The following ETS1 variants were observed in gnomAD, a reference collection of about 807,000 sequenced individuals.
The protein encoded by ETS1 is protein C-ets-1.
A neutral mutation model predicts 58.6 loss-of-function variants in ETS1; 15 were observed. The ratio of observed to expected loss-of-function variants is 0.26; its 90% CI spans 0.17 to 0.39. ETS1 has a LOEUF of 0.39. Ranked by LOEUF, ETS1 falls within the 10% of genes least tolerant of loss-of-function variation. The pLI, the probability that ETS1 is intolerant of heterozygous loss-of-function variation, is 1.00. For missense variants in ETS1, 417 were observed against 610.5 expected (o/e 0.68, Z 3.34); for synonymous variants, 214 against 218.2 (o/e 0.98, Z 0.17).
At chr11:128,462,660 A>G in intron 9 of ETS1, 84 bp from the exon 10 acceptor site, 1 of 967,266 alleles carries the variant, frequency 1.0e-6, no homozygotes, top group Non-Finnish European at 1.6e-6. Flanking sequence ...TGCCTATGCT[A>G]TACCCATTCA....
chr11:128,484,762 A>G, intron 7 of ETS1, 61 bp downstream of exon 7: 1 of 1,519,806 alleles, frequency 6.6e-7, no homozygotes. Flanking sequence ...CCTGAAAAAA[A>G]CTCACAAAGT....
intron 8 of ETS1, among the ~76,000 whole-genome samples, chr11:128,474,654 G>C (rs1341611469): frequency 6.6e-6 from 1 of 152,010 alleles, no homozygotes; most frequent in Non-Finnish European, 1.5e-5. Context: ...GAGATCCCCA[G>C]GTCCACGCCA....
At chr11:128,491,499 T>C (rs956999390) in intron 3 of ETS1, among the ~76,000 whole-genome samples, 2 of 152,214 alleles carry the variant, frequency 1.3e-5, no homozygotes, top group African/African-American at 2.4e-5. Context: ...TTGACCTGAA[T>C]TGTGAAGGAT....
At chr11:128,570,615 G>A (rs991545842) in intron 2 of ETS1, among the ~76,000 whole-genome samples, 4 of 152,084 alleles carry the variant, frequency 2.6e-5, no homozygotes, top group Non-Finnish European at 4.4e-5. Flanking sequence ...GAATTAACAT[G>A]GACTGGCTTT....
chr11:128,514,579 G>A (rs1424015794), intron 3 of ETS1, among the ~76,000 whole-genome samples: 3 of 152,154 alleles, frequency 2.0e-5, no homozygotes, highest in Non-Finnish European at 4.4e-5. Context: ...TAACACTGTT[G>A]CAAGAGAGAG....
intron 2 of ETS1, among the ~76,000 whole-genome samples, chr11:128,560,404 C>T (rs1268394599): frequency 6.6e-5 from 10 of 152,236 alleles, no homozygotes; most frequent in East Asian, 5.8e-4. Context: ...TGAGCCACCG[C>T]GCCCGGCCGA....
At chr11:128,537,058 G>C (rs1591649226) in intron 3 of ETS1, among the ~76,000 whole-genome samples, 1 of 152,154 alleles carries the variant, frequency 6.6e-6, no homozygotes, top group East Asian at 1.9e-4. Flanking sequence ...ATCTGTCCAG[G>C]GTACAGAGAC....
chr11:128,487,372 C>A (rs10790958), intron 5 of ETS1, among the ~76,000 whole-genome samples: 49 of 152,178 alleles, frequency 3.2e-4, no homozygotes, highest in African/African-American at 1.0e-3. Flanking sequence ...CCAGTCTTAG[C>A]GGCCAGAAGG....
intron 3 of ETS1, among the ~76,000 whole-genome samples, chr11:128,515,986 G>A (rs1056319563): frequency 1.3e-4 from 20 of 152,160 alleles, no homozygotes; most frequent in Non-Finnish European, 1.9e-4. Context: ...AAATATTTAC[G>A]GCTTGAATAG....
chr11:128,545,093 C>A (rs1018134767), intron 3 of ETS1, among the ~76,000 whole-genome samples: 4 of 152,120 alleles, frequency 2.6e-5, no homozygotes, highest in African/African-American at 7.2e-5. Flanking sequence ...CCTCTAGACC[C>A]TAACTGAATG....
At chr11:128,471,566 A>G (rs1158176102) in intron 8 of ETS1, among the ~76,000 whole-genome samples, 1 of 152,234 alleles carries the variant, frequency 6.6e-6, no homozygotes, top group Non-Finnish European at 1.5e-5. Flanking sequence ...TGAGCCAGTG[A>G]AGCTCAAGTC....
intron 3 of ETS1, among the ~76,000 whole-genome samples, chr11:128,552,271 T>A (rs528191468): frequency 6.6e-6 from 1 of 152,186 alleles, no homozygotes; most frequent in Admixed American, 6.5e-5. Flanking sequence ...TAAATAGATG[T>A]CCTTTCTCAT....
chr11:128,539,376 A>G (rs1864020858), intron 3 of ETS1, among the ~76,000 whole-genome samples: 1 of 152,252 alleles, frequency 6.6e-6, no homozygotes, highest in Admixed American at 6.5e-5. Flanking sequence ...CAATTTAAAA[A>G]CGGGCCAAGG....
rs895627470 is a variant in ETS1 at position 128,549,560 on chromosome 11, C to G, written c.214+6731G>C. On this transcript the variant is annotated intron_variant, in intron 3 of 9. Transcript: ENST00000392668. The surrounding 1 kb of genome is among the most constrained non-coding windows in gnomAD (Gnocchi z 4.3). ...CTCCGCAGCCCCCTGGGAGTCCCAG[C>G]GCAATGCTGTTACTTCCTAGGATGT... is the stretch of plus-strand genomic sequence containing the variant. Among the ~76,000 whole-genome samples, 1 of 152,172 alleles carries G rather than the reference C, an allele frequency of 6.6e-6. No homozygotes were observed. Among genetic ancestry groups the G allele is most frequent in the African/African-American group, 2.4e-5 (1 of 41,444 alleles).
chr11:128,552,436 C>T lies in ETS1; in HGVS notation c.214+3855G>A, dbSNP rs77369111. 2.4e-3 allele frequency among the ~76,000 whole-genome samples: 364 copies of T among 152,320 alleles called. 2 individuals carry two copies. The highest frequency in any genetic ancestry group is 8.1e-3 in the African/African-American group (335 of 41,568). On this transcript the variant is annotated intron_variant, in intron 3 of 9. Coordinates refer to ENST00000392668, the MANE Select transcript of ETS1 (RefSeq NM_001143820.2). The stretch of plus-strand genomic sequence containing the variant: ...GACCATGGTAATAAGACTATAGGTT[C>T]CTCCTCATGAAGGTAAGTTGTGTTT...
rs1415786480 is a variant in ETS1, at chr11:128,459,190, A to AAT, written c.*3169_*3170dup. The AAT allele has an allele frequency of 2.0e-5, 3 of 150,134 alleles. No homozygotes were observed. Among genetic ancestry groups the AAT allele is most frequent in the Middle Eastern group, 3.5e-3 (1 of 284 alleles). The allele number at this position is 150,134 out of a possible 1,614,324, so 9.3% of individuals were successfully genotyped here. ...GCAGTATTCCTGATAATTTTATTTTAATATATATATTTTATATATGTATAT... is the reference window on the plus strand; with the variant it reads ...GCAGTATTCCTGATAATTTTATTTTAATATATATATATTTTATATATGTATAT... On this transcript the variant is annotated 3_prime_UTR_variant, in exon 10 of 10. Transcript: ENST00000392668.
At position 128,462,293 on chromosome 11, in the gene ETS1, T is replaced by G; in HGVS notation, c.*68A>C. ...AAAAAATAGAATAACAATTCAAAAT[T>G]CAGAGTCCAACCAACACGGCTGTCC... On this transcript the variant is annotated 3_prime_UTR_variant, in exon 10 of 10. Transcript: ENST00000392668. 1 of 1,245,600 alleles carries G rather than the reference T, an allele frequency of 8.0e-7. No individual in the cohort carries two copies. Among genetic ancestry groups the G allele is most frequent in the Non-Finnish European group, 1.2e-6 (1 of 868,132 alleles). 77.2% of individuals were successfully genotyped at this position (1,245,600 alleles called of 1,614,324 possible).
chr11:128,510,147 C>G (rs1863353477), intron 3 of ETS1, among the ~76,000 whole-genome samples: 1 of 152,174 alleles, frequency 6.6e-6, no homozygotes, highest in Admixed American at 6.5e-5. Flanking sequence ...ATACACATGA[C>G]TCACCCTTGG....
At chr11:128,472,435 A>G (rs1862210640) in intron 8 of ETS1, among the ~76,000 whole-genome samples, 1 of 152,354 alleles carries the variant, frequency 6.6e-6, no homozygotes, top group African/African-American at 2.4e-5. Context: ...TCAGAAGCCC[A>G]TCACGGACTA....
Sources: gnomAD v4.1 joint callset for allele counts (sites outside exome capture counted in the v4.1 genomes callset) on GRCh38, gnomAD v4.1.1 for gene constraint, Gnocchi (gnomAD v3.1) non-coding constraint, MANE v1.5 for transcripts, NCBI Gene and HGNC (gene_info 2026-07-23, HGNC 2026-07-21) for gene names.